Variants in EIF4EBP2 observed in about 807,000 individuals in gnomAD.
The protein encoded by EIF4EBP2 is eukaryotic translation initiation factor 4E binding protein 2, also known as eukaryotic translation initiation factor 4E-binding protein 2.
Under a neutral mutation model 10.3 loss-of-function variants are expected in EIF4EBP2, and 5 were observed. That is an observed-to-expected ratio of 0.48 (90% confidence interval 0.25 to 1.02). EIF4EBP2 has a LOEUF of 1.02. Among genes scored for constraint, EIF4EBP2 ranks in the 50% least tolerant of loss-of-function variants. The pLI, the probability that EIF4EBP2 is intolerant of heterozygous loss-of-function variation, is 0.15. For synonymous variants in EIF4EBP2, 67 were observed against 61.1 expected (o/e 1.10, Z -0.45); for missense variants, 188 against 162.2 (o/e 1.16, Z -0.86).
chr10:70,415,473 T>A (rs554020733), intron 1 of EIF4EBP2, among the ~76,000 whole-genome samples: 2 of 145,822 alleles, frequency 1.4e-5, no homozygotes, highest in African/African-American at 5.0e-5. Context: ...ACCTAAAATA[T>A]CCAGAACAAT....
chr10:70,404,503 T>A lies in EIF4EBP2; in HGVS notation c.102T>A (p.Tyr34Ter). The change falls in exon 1 of 3, where the codon TAT becomes TAA. Residue 34 changes from tyrosine to a stop codon, truncating the protein, a stop_gained. Coordinates refer to ENST00000373218, the MANE Select transcript of EIF4EBP2 (RefSeq NM_004096.5). LOFTEE classifies it high-confidence loss of function. The part of the protein sequence containing the change: ...ISDAAQLPHD[Y>*]CTTPGGTLFS... ...ACGCCGCGCAGCTACCTCATGACTA[T>A]TGCACCACGCCCGGGGGGACGCTCT... 6.3e-7 allele frequency: 1 copy of A among 1,595,128 alleles called. No homozygotes were observed. The highest frequency in any genetic ancestry group is 8.5e-7 in the Non-Finnish European group (1 of 1,173,460).
chr10:70,404,301 C>T lies in EIF4EBP2; in HGVS notation c.-101C>T, dbSNP rs1393652321. The T allele has an allele frequency of 7.2e-7, 1 of 1,382,286 alleles. No individual in the cohort carries two copies. Among genetic ancestry groups the T allele is most frequent in the African/African-American group, 1.5e-5 (1 of 65,480 alleles). The allele number at this position is 1,382,286 out of a possible 1,614,324, so 85.6% of individuals were successfully genotyped here. A position where few individuals can be genotyped will look rare whatever the true frequency, so the allele number is the denominator to read the frequency against. Reference sequence around the variant, plus strand: ...AACGGGAGGAAGCGAGCGAGGAGCGCGCAGAGCGCGCTTTTCCGTCCGCCT... The same window carrying T: ...AACGGGAGGAAGCGAGCGAGGAGCGTGCAGAGCGCGCTTTTCCGTCCGCCT... On this transcript the variant is annotated 5_prime_UTR_variant, in exon 1 of 3. Transcript: ENST00000373218.
intron 1 of EIF4EBP2, among the ~76,000 whole-genome samples, chr10:70,405,763 G>C (rs1449743877): frequency 1.3e-5 from 2 of 152,104 alleles, no homozygotes; most frequent in Non-Finnish European, 2.9e-5. Flanking sequence ...CCAACACCAA[G>C]GGATAAAATC....
rs1473304524 is a variant in EIF4EBP2, at chr10:70,428,256, T to C, written c.*6509T>C. The C allele has an allele frequency of 1.3e-5, 2 of 152,086 alleles. No homozygotes were observed. The highest frequency in any genetic ancestry group is 4.1e-4 in the South Asian group (2 of 4,820). The allele number at this position is 152,086 out of a possible 1,614,324, so 9.4% of individuals were successfully genotyped here. A position where few individuals can be genotyped will look rare whatever the true frequency, so the allele number is the denominator to read the frequency against. On this transcript the variant is annotated 3_prime_UTR_variant, in exon 3 of 3. Coordinates refer to ENST00000373218, the MANE Select transcript of EIF4EBP2 (RefSeq NM_004096.5). ...ACACTCACGTGCTAAGGTGTCCATT[T>C]TATGCATCTTTAAAATATTTTATTT...
chr10:70,405,228 C>T (rs886183946), intron 1 of EIF4EBP2, among the ~76,000 whole-genome samples: 1 of 152,166 alleles, frequency 6.6e-6, no homozygotes, highest in African/African-American at 2.4e-5. Context: ...GGTAGGGTGT[C>T]TTTCGGCAGC....
rs1051406790 is a variant in EIF4EBP2 at position 70,405,588 on chromosome 10, A to T, written c.145+1042A>T. Among the ~76,000 whole-genome samples the T allele has an allele frequency of 4.6e-5, 7 of 152,280 alleles. No individual in the cohort carries two copies. In the South Asian group the frequency reaches 1.4e-3, roughly 32 times the overall value. ...TTTGGTGCTGGGGTGGCCTCTTGCTAGAGGGTGGGGACTTCGCAGCTCCTG... is the reference window on the plus strand; with the variant it reads ...TTTGGTGCTGGGGTGGCCTCTTGCTTGAGGGTGGGGACTTCGCAGCTCCTG... On this transcript the variant is annotated intron_variant, in intron 1 of 2. Transcript: ENST00000373218.
Position 70,404,157 on chromosome 10 carries a change from C to A in EIF4EBP2, c.-245C>A, listed in dbSNP as rs1464202912. ...CCCGCCTTCGCCCGCTTCCGGTCGT[C>A]GTCGTCGCCGCTGCTGCCGCTGCTG... On this transcript the variant is annotated 5_prime_UTR_variant, in exon 1 of 3. Transcript: ENST00000373218. Among the ~76,000 whole-genome samples, 3 of 152,346 alleles carry A rather than the reference C, an allele frequency of 2.0e-5. No individual in the cohort carries two copies. The highest frequency in any genetic ancestry group is 4.1e-4 in the South Asian group (2 of 4,828).
In EIF4EBP2 at chr10:70,420,038, C is replaced by G. The variant is rs1353638916; in HGVS notation, c.270C>G (p.Asp90Glu). 6.2e-7 allele frequency: 1 copy of G among 1,612,948 alleles called. No individual in the cohort carries two copies. The highest frequency in any genetic ancestry group is 1.7e-5 in the Admixed American group (1 of 59,774). The change falls in exon 2 of 3, where the codon GAC (aspartate) becomes GAG (glutamate). Residue 90 changes from aspartate to glutamate, a missense_variant. Coordinates refer to ENST00000373218, the MANE Select transcript of EIF4EBP2 (RefSeq NM_004096.5). Reference protein sequence around the residue: ...GVTSPGTLIEDSKVEVNNLNN... With the variant: ...GVTSPGTLIEESKVEVNNLNN... ...CTAGCCCTGGCACCTTAATTGAAGA[C>G]TCCAAAGTAGAAGTAAACAATTTGA...
chr10:70,421,645 GGAAT>G, intron 2 of EIF4EBP2, 67 bp from the exon 3 acceptor site: 1 of 1,354,170 alleles, frequency 7.4e-7, no homozygotes, highest in Non-Finnish European at 1.1e-6. Context: ...TCATTTAGAG[GGAAT>G]GACAGTTAAA....
At chr10:70,407,868 C>T (rs1372763092) in intron 1 of EIF4EBP2, among the ~76,000 whole-genome samples, 1 of 132,944 alleles carries the variant, frequency 7.5e-6, no homozygotes, top group Admixed American at 7.4e-5. Flanking sequence ...TGACCCCCCA[C>T]CTCCCTCCCG....
chr10:70,408,273 A>G (rs1845005229), intron 1 of EIF4EBP2, among the ~76,000 whole-genome samples: 2 of 149,900 alleles, frequency 1.3e-5, no homozygotes, highest in African/African-American at 4.9e-5. Flanking sequence ...ACTTCCCAGT[A>G]GGGGCGGCCG....
intron 1 of EIF4EBP2, among the ~76,000 whole-genome samples, chr10:70,405,766 A>AT (rs1402408943): frequency 1.3e-5 from 2 of 152,086 alleles, no homozygotes; most frequent in African/African-American, 4.8e-5. Flanking sequence ...ACACCAAGGG[A>AT]TAAAATCTAG....
intron 1 of EIF4EBP2, 35 bp from the exon 2 acceptor site, chr10:70,419,879 A>C: frequency 1.3e-6 from 2 of 1,489,102 alleles, no homozygotes; most frequent in Middle Eastern, 1.8e-4. Flanking sequence ...TAACCCCTTA[A>C]ATTGTTTCAA....
intron 1 of EIF4EBP2, among the ~76,000 whole-genome samples, chr10:70,407,540 C>G (rs939420084): frequency 6.6e-6 from 1 of 152,120 alleles, no homozygotes; most frequent in African/African-American, 2.4e-5. Flanking sequence ...GGCAACCATC[C>G]GATTTCTCAA....
intron 1 of EIF4EBP2, among the ~76,000 whole-genome samples, chr10:70,406,370 A>G (rs780267875): frequency 1.3e-5 from 2 of 152,206 alleles, no homozygotes; most frequent in Non-Finnish European, 2.9e-5. Flanking sequence ...TAAGAAATAG[A>G]TGCTGTTTTC....
chr10:70,419,194 G>C (rs1845129226), intron 1 of EIF4EBP2, among the ~76,000 whole-genome samples: 2 of 152,166 alleles, frequency 1.3e-5, no homozygotes, highest in African/African-American at 4.8e-5. Flanking sequence ...GCATTTCCTT[G>C]ATGATTAGTG....
chr10:70,420,195 G>T, intron 2 of EIF4EBP2, 96 bp downstream of exon 2: 1 of 1,222,470 alleles, frequency 8.2e-7, no homozygotes, highest in Non-Finnish European at 1.1e-6. Context: ...CTTCAGTTTT[G>T]TTTTTTGTTT....
rs1224005438 is a variant in EIF4EBP2 at position 70,413,655 on chromosome 10, C to T, written c.146-6259C>T. ...AAGAAATCAGAGTTTGTAACATTTA[C>T]GTACTGTTCCTTAACTGTTAATTCT... On this transcript the variant is annotated intron_variant, in intron 1 of 2. Coordinates refer to ENST00000373218, the MANE Select transcript of EIF4EBP2 (RefSeq NM_004096.5). 5.4e-5 allele frequency among the ~76,000 whole-genome samples: 8 copies of T among 148,402 alleles called. No individual in the cohort carries two copies. The East Asian group carries it at 1.2e-3, about 22-fold the overall frequency.
At chr10:70,414,202 AT>A (rs536821690) in intron 1 of EIF4EBP2, among the ~76,000 whole-genome samples, 8 of 151,966 alleles carry the variant, frequency 5.3e-5, no homozygotes, top group African/African-American at 9.7e-5. Context: ...TTGAATCTTA[AT>A]TTTTTTTCTT....
Sources: gnomAD v4.1 joint callset for allele counts (sites outside exome capture counted in the v4.1 genomes callset) on GRCh38, gnomAD v4.1.1 for gene constraint, MANE v1.5 for transcripts, NCBI Gene and HGNC (gene_info 2026-07-23, HGNC 2026-07-21) for gene names.